The following AK3 variants were observed in gnomAD, a reference collection of about 807,000 sequenced individuals.
AK3 encodes adenylate kinase 3, also known as GTP:AMP phosphotransferase AK3, mitochondrial.
A neutral mutation model predicts 23.7 loss-of-function variants in AK3; 27 were observed. The observed-to-expected ratio is 1.14, with a 90% CI of 0.84 to 1.57. The LOEUF (loss-of-function observed/expected upper bound fraction) is 1.57. Among genes scored for constraint, AK3 ranks in the 40% most tolerant of loss-of-function variants. The pLI is 0.00. For missense variants in AK3, 406 were observed against 285.6 expected, an observed-to-expected ratio of 1.42 and a Z score of -3.04; for synonymous variants, 159 against 116.0, an observed-to-expected ratio of 1.37 and a Z score of -2.38.
At chr9:4,728,968 T>TA (rs1842086989) in intron 1 of AK3, among the ~76,000 whole-genome samples, 1 of 132,152 alleles carries the variant, frequency 7.6e-6, no homozygotes, top group South Asian at 2.4e-4. Context: ...CACATACATA[T>TA]ATATACCTAC....
At chr9:4,741,226 G>T, upstream of AK3, 1 of 1,007,112 alleles carries the variant, frequency 9.9e-7, no homozygotes, top group Non-Finnish European at 1.3e-6. Flanking sequence ...GTTCCCGGAA[G>T]TGAGCCGACA....
intron 1 of AK3, among the ~76,000 whole-genome samples, chr9:4,736,634 G>A (rs1587660956): frequency 6.6e-6 from 1 of 151,868 alleles, no homozygotes; most frequent in African/African-American, 2.4e-5. Context: ...CCATCATATA[G>A]ATGAGAATAA....
chr9:4,740,554 A>AG (rs138358182), intron 1 of AK3, among the ~76,000 whole-genome samples: 4 of 152,358 alleles, frequency 2.6e-5, no homozygotes, highest in African/African-American at 9.6e-5. Flanking sequence ...AGACTCTAGC[A>AG]GGGCTAATGA....
At chr9:4,732,208 C>T (rs10974757) in intron 1 of AK3, among the ~76,000 whole-genome samples, 25,969 of 152,164 alleles carry the variant, frequency 0.17, 2,845 homozygotes, top group East Asian at 0.45. Flanking sequence ...CTTGGCTTCC[C>T]AAAGTGCTGG....
intron 3 of AK3, 120 bp from the exon 4 acceptor site, chr9:4,718,657 A>G: frequency 2.7e-6 from 2 of 733,092 alleles, no homozygotes; most frequent in South Asian, 1.8e-5. Context: ...AAAATGTGCT[A>G]ACTTTTAAAA....
chr9:4,731,356 G>C (rs1441777424), intron 1 of AK3, among the ~76,000 whole-genome samples: 1 of 152,066 alleles, frequency 6.6e-6, no homozygotes, highest in African/African-American at 2.4e-5. Flanking sequence ...ACTTATAAGT[G>C]AGAACATGAG....
At chr9:4,729,160 G>A (rs1021516943) in intron 1 of AK3, among the ~76,000 whole-genome samples, 47 of 151,464 alleles carry the variant, frequency 3.1e-4, no homozygotes, top group Non-Finnish European at 6.0e-4. Flanking sequence ...ACAGGCATGC[G>A]CCACCACAGC....
intron 2 of AK3, among the ~76,000 whole-genome samples, chr9:4,721,270 G>C (rs934538982): frequency 3.3e-5 from 5 of 151,830 alleles, no homozygotes; most frequent in Non-Finnish European, 5.9e-5. Flanking sequence ...ACGTGTGCTG[G>C]TGGGCACCTG....
chr9:4,721,788 C>T (rs890060932), intron 2 of AK3, among the ~76,000 whole-genome samples: 1 of 152,160 alleles, frequency 6.6e-6, no homozygotes, highest in Non-Finnish European at 1.5e-5. Context: ...CCTCTTAGCA[C>T]TTATATCTGT....
Position 4,739,120 on chromosome 9 carries a change from T to C in AK3, c.151+1817A>G, listed in dbSNP as rs144324266. Among the ~76,000 whole-genome samples, 117 of 152,218 alleles carry C rather than the reference T, an allele frequency of 7.7e-4. 2 individuals are homozygous for C. In the East Asian group the frequency reaches 0.022, roughly 29 times the overall value. ...CCTGACCCCAACCAGTAGCAGTATC[T>C]GGGACTGTTTAATGTTACCTAACTA... On this transcript the variant is annotated intron_variant, in intron 1 of 4. Transcript: ENST00000381809.
chr9:4,719,229 G>A lies in AK3; in HGVS notation c.350C>T (p.Pro117Leu), dbSNP rs1299631180. 1.9e-6 allele frequency: 3 copies of A among 1,611,916 alleles called. No homozygotes were observed. The highest frequency in any genetic ancestry group is 1.7e-5 in the Admixed American group (1 of 59,952). ...AAGGCGTTGTTTAATGACCTCAAAG[G>A]GCACATTCAGGTTAATCACTGTGTC... ...QIDTVINLNV[P>L]FEVIKQRLTA... is the part of the protein sequence containing the mutation. The change falls in exon 3 of 5, where the codon CCC (proline) becomes CTC (leucine). Residue 117 changes from proline (P) to leucine (L), a missense_variant. Pro to Leu is a moderately conservative substitution (Grantham distance 98). Coordinates refer to ENST00000381809, the MANE Select transcript of AK3 (RefSeq NM_016282.4).
chr9:4,731,322 A>T (rs908898437), intron 1 of AK3, among the ~76,000 whole-genome samples: 1 of 152,036 alleles, frequency 6.6e-6, no homozygotes, highest in African/African-American at 2.4e-5. Flanking sequence ...CTATGCGTCC[A>T]TGTGTTCTCA....
chr9:4,724,784 GA>G (rs57816233), intron 1 of AK3, among the ~76,000 whole-genome samples: 122,430 of 147,250 alleles, frequency 0.83, 50,895 homozygotes, highest in East Asian at 0.94. Flanking sequence ...GTTTCAAAAA[GA>G]AAAAAAAAAA....
intron 1 of AK3, among the ~76,000 whole-genome samples, chr9:4,735,266 T>TATATATATAC (rs1563798206): frequency 1.5e-4 from 2 of 13,322 alleles, no homozygotes; most frequent in East Asian, 2.3e-3. Flanking sequence ...TATATAAATA[T>TATATATATAC]ATATATAAAT....
intron 4 of AK3, among the ~76,000 whole-genome samples, chr9:4,717,635 A>G (rs3847258): frequency 0.29 from 43,606 of 152,116 alleles, 6,719 homozygotes; most frequent in African/African-American, 0.4. Context: ...CATGCATTCA[A>G]TAGAAATTGT....
intron 1 of AK3, among the ~76,000 whole-genome samples, chr9:4,729,096 T>A (rs1236970637): frequency 6.7e-6 from 1 of 150,258 alleles, no homozygotes; most frequent in Admixed American, 6.7e-5. Context: ...CTGCAACCTC[T>A]GCCTCCCGGG....
chr9:4,716,242 T>C (rs1377073108), intron 4 of AK3, among the ~76,000 whole-genome samples: 2 of 152,210 alleles, frequency 1.3e-5, no homozygotes, highest in African/African-American at 4.8e-5. Flanking sequence ...TAAATACTGT[T>C]TACCCAGCTC....
chr9:4,735,141 C>A (rs1299174693), intron 1 of AK3, among the ~76,000 whole-genome samples: 1 of 149,226 alleles, frequency 6.7e-6, no homozygotes, highest in Non-Finnish European at 1.5e-5. Context: ...TGCCTGTAAT[C>A]CCAACACCTT....
intron 4 of AK3, among the ~76,000 whole-genome samples, chr9:4,715,009 A>G (rs932533397): frequency 6.6e-6 from 1 of 152,106 alleles, no homozygotes; most frequent in African/African-American, 2.4e-5. Flanking sequence ...ACTTGAGGTC[A>G]GGAGTTCAAG....
Sources: gnomAD v4.1 joint callset for allele counts (sites outside exome capture counted in the v4.1 genomes callset) on GRCh38, gnomAD v4.1.1 for gene constraint, MANE v1.5 for transcripts, NCBI Gene and HGNC (gene_info 2026-07-23, HGNC 2026-07-21) for gene names.